Variants in NUAK1 observed in about 807,000 individuals in gnomAD.
NUAK1 encodes the protein NUAK family kinase 1.
In NUAK1, 26 loss-of-function variants were observed where a neutral mutation model predicts 56.9. That is an observed-to-expected ratio of 0.46 (90% CI 0.33 to 0.63). NUAK1 has a LOEUF of 0.63. NUAK1 is among the 30% of genes least tolerant of loss of function. The probability of loss-of-function intolerance (pLI) is 0.02; values close to 1 mark genes in which losing one functional copy is unlikely to be tolerated. For synonymous variants in NUAK1, 337 were observed against 336.0 expected, an observed-to-expected ratio of 1.00 and a Z score of -0.03; for missense variants, 727 against 876.1, an observed-to-expected ratio of 0.83 and a Z score of 2.15.
intron 2 of NUAK1, among the ~76,000 whole-genome samples, chr12:106,094,063 C>T (rs561244737): frequency 6.6e-6 from 1 of 152,238 alleles, no homozygotes; most frequent in Admixed American, 6.5e-5. Flanking sequence ...CCCACCTCAG[C>T]CTCCCAAAGT....
chr12:106,073,753 G>A (rs922511533), intron 4 of NUAK1, among the ~76,000 whole-genome samples: 1 of 151,942 alleles, frequency 6.6e-6, no homozygotes, highest in Non-Finnish European at 1.5e-5. Context: ...GAGAGGCGGA[G>A]ATTGCAGTGA....
chr12:106,086,116 T>G (rs2032568197), intron 3 of NUAK1, among the ~76,000 whole-genome samples: 1 of 152,214 alleles, frequency 6.6e-6, no homozygotes, highest in African/African-American at 2.4e-5. Context: ...GAATCTCTCT[T>G]AAGTAAATTA....
chr12:106,133,373 T>C (rs1225107707), intron 1 of NUAK1, among the ~76,000 whole-genome samples: 1 of 152,164 alleles, frequency 6.6e-6, no homozygotes, highest in East Asian at 1.9e-4. Context: ...GGGTGGGCGA[T>C]CACCCCATGG....
intron 1 of NUAK1, among the ~76,000 whole-genome samples, chr12:106,135,364 G>C (rs1252685685): frequency 6.6e-6 from 1 of 152,234 alleles, no homozygotes; most frequent in East Asian, 1.9e-4. Context: ...GACACACAGG[G>C]TCGCACCAGC....
At chr12:106,112,170 TAGTG>T (rs1342330767) in intron 1 of NUAK1, among the ~76,000 whole-genome samples, 1 of 151,976 alleles carries the variant, frequency 6.6e-6, no homozygotes, top group Admixed American at 6.5e-5. Flanking sequence ...TAGCATCACT[TAGTG>T]AGAACAAGTT....
intron 2 of NUAK1, among the ~76,000 whole-genome samples, chr12:106,091,400 T>G (rs1401760728): frequency 6.6e-6 from 1 of 151,908 alleles, no homozygotes; most frequent in Non-Finnish European, 1.5e-5. Context: ...TACAGCCTGG[T>G]TTTTAGCACA....
chr12:106,112,498 G>A (rs1014336711), intron 1 of NUAK1, among the ~76,000 whole-genome samples: 7 of 152,158 alleles, frequency 4.6e-5, no homozygotes, highest in South Asian at 2.1e-4. Flanking sequence ...GCCTCTGGCC[G>A]AGGACAGTCA....
chr12:106,129,742 T>C (rs1222925206), intron 1 of NUAK1, among the ~76,000 whole-genome samples: 1 of 152,220 alleles, frequency 6.6e-6, no homozygotes, highest in Non-Finnish European at 1.5e-5. Flanking sequence ...GAGCCTACTA[T>C]GCACCAGGCT....
chr12:106,123,093 AG>A (rs1418584364), intron 1 of NUAK1, among the ~76,000 whole-genome samples: 1 of 152,262 alleles, frequency 6.6e-6, no homozygotes, highest in Non-Finnish European at 1.5e-5. Flanking sequence ...ATGCTGATTC[AG>A]GCAATTTCAT....
rs2136456944 is a variant in NUAK1, at chr12:106,072,752, A to C, written c.671T>G (p.Val224Gly). 6.2e-7 allele frequency: 1 copy of C among 1,613,928 alleles called. No homozygotes were observed. Among genetic ancestry groups the C allele is most frequent in the Middle Eastern group, 1.7e-4 (1 of 6,060 alleles). The change falls in exon 5 of 7, where the codon GTC (valine) becomes GGC (glycine). Residue 224 changes from valine (V) to glycine (G), a missense_variant. Physicochemically the swap from Val to Gly is moderately radical, Grantham distance 109. Coordinates refer to ENST00000261402, the MANE Select transcript of NUAK1 (RefSeq NM_014840.3). ...GSPLYASPEI[V>G]NGRPYRGPEV... ...TGGCCCTCGGTAAGGTCTCCCATTG[A>C]CAATCTCAGGAGATGCATAGAGTGG...
intron 1 of NUAK1, among the ~76,000 whole-genome samples, chr12:106,108,632 C>T (rs1225681309): frequency 6.6e-6 from 1 of 152,158 alleles, no homozygotes; most frequent in Admixed American, 6.5e-5. Context: ...GTGTGGGTGG[C>T]TGCTGGAACA....
intron 1 of NUAK1, among the ~76,000 whole-genome samples, chr12:106,127,803 T>C (rs1252171119): frequency 6.6e-6 from 1 of 152,164 alleles, no homozygotes; most frequent in Non-Finnish European, 1.5e-5. Flanking sequence ...CATTTTTGTC[T>C]CAGGCCCTCA....
chr12:106,098,111 C>G (rs1450416312), intron 2 of NUAK1, among the ~76,000 whole-genome samples: 5 of 152,200 alleles, frequency 3.3e-5, no homozygotes, highest in African/African-American at 1.2e-4. Flanking sequence ...TCTTCTGCTT[C>G]TCTGGATTTT....
At chr12:106,134,204 C>A (rs761973929) in intron 1 of NUAK1, among the ~76,000 whole-genome samples, 1 of 152,194 alleles carries the variant, frequency 6.6e-6, no homozygotes. Flanking sequence ...CACATGTTTG[C>A]CATGGTCCCT....
chr12:106,120,156 A>G (rs1148427), intron 1 of NUAK1, among the ~76,000 whole-genome samples: 73,035 of 151,868 alleles, frequency 0.48, 17,884 homozygotes, highest in Non-Finnish European at 0.53. Flanking sequence ...TGAGCCAACT[A>G]CCCACCCTCA....
At chr12:106,117,060 G>A (rs2032923470) in intron 1 of NUAK1, among the ~76,000 whole-genome samples, 1 of 152,084 alleles carries the variant, frequency 6.6e-6, no homozygotes, top group South Asian at 2.1e-4. Flanking sequence ...GTAGACACAG[G>A]GGCTCCTCCC....
At chr12:106,104,199 G>A (rs1342338030) in intron 2 of NUAK1, 1 of 152,106 alleles carries the variant, frequency 6.6e-6, no homozygotes. Context: ...CCAAATAGCT[G>A]GGATTACAGG....
intron 1 of NUAK1, among the ~76,000 whole-genome samples, chr12:106,130,198 T>C (rs1305774576): frequency 1.3e-5 from 2 of 152,144 alleles, no homozygotes; most frequent in African/African-American, 4.8e-5. Context: ...GCCAGGCTGG[T>C]CTCAAACTCC....
intron 2 of NUAK1, among the ~76,000 whole-genome samples, chr12:106,094,662 C>T (rs975553665): frequency 6.6e-6 from 1 of 152,166 alleles, no homozygotes; most frequent in African/African-American, 2.4e-5. Flanking sequence ...TTTTCTTGAA[C>T]CAAAACTCTT....
Sources: gnomAD v4.1 joint callset for allele counts (sites outside exome capture counted in the v4.1 genomes callset) on GRCh38, gnomAD v4.1.1 for gene constraint, MANE v1.5 for transcripts, NCBI Gene and HGNC (gene_info 2026-07-23, HGNC 2026-07-21) for gene names.